DENND4C: variants seen among roughly 807,000 people sequenced by gnomAD.
DENND4C encodes the protein DENN domain-containing protein 4C.
A neutral mutation model predicts 203.0 loss-of-function variants in DENND4C; 108 were observed. The ratio of observed to expected loss-of-function variants is 0.53; its 90% CI spans 0.46 to 0.62. The LOEUF (loss-of-function observed/expected upper bound fraction) is 0.62. Among genes scored for constraint, DENND4C ranks in the 20% least tolerant of loss-of-function variants. The pLI is 0.00. For synonymous variants in DENND4C, 871 were observed against 792.4 expected (o/e 1.10, Z -1.67); for missense variants, 2,481 against 2,301.2 (o/e 1.08, Z -1.60).
intron 1 of DENND4C, among the ~76,000 whole-genome samples, chr9:19,257,586 AAAGC>A (rs1828305817): frequency 6.6e-6 from 1 of 152,128 alleles, no homozygotes; most frequent in African/African-American, 2.4e-5. Flanking sequence ...ATGAAACAGA[AAAGC>A]AAGAGAAAAA....
intron 9 of DENND4C, among the ~76,000 whole-genome samples, chr9:19,304,329 C>G (rs938916969): frequency 6.7e-6 from 1 of 149,562 alleles, no homozygotes; most frequent in Non-Finnish European, 1.5e-5. Context: ...GGATTACAGA[C>G]ATGTGCCACC....
intron 1 of DENND4C, among the ~76,000 whole-genome samples, chr9:19,251,767 G>A (rs551866455): frequency 1.3e-5 from 2 of 152,210 alleles, no homozygotes; most frequent in South Asian, 4.2e-4. Context: ...TTGCTAAAAC[G>A]TAACAAGAGT....
rs1188218805 is a variant in DENND4C at position 19,330,331 on chromosome 9, TG to T, written c.2254-1645del. 2.4e-4 allele frequency among the ~76,000 whole-genome samples: 31 copies of T among 128,194 alleles called. No homozygotes were observed. In the South Asian group the frequency reaches 3.7e-3, roughly 15 times the overall value. The allele number at this position is 128,194 out of a possible 152,430, so 84.1% of individuals were successfully genotyped here. A position where few individuals can be genotyped will look rare whatever the true frequency, so the allele number is the denominator to read the frequency against. On this transcript the variant is annotated intron_variant, in intron 16 of 32. Transcript: ENST00000434457. The stretch of plus-strand genomic sequence containing the variant: ...CAAAAGTAAAATTAATATACCAAGT[TG>T]GTTTTTTTTTTTTTTTTTTTTTTTT...
chr9:19,231,116 A>T (rs1191060759), intron 1 of DENND4C, among the ~76,000 whole-genome samples: 1 of 152,172 alleles, frequency 6.6e-6, no homozygotes, highest in African/African-American at 2.4e-5. Flanking sequence ...CGCCGGGCCC[A>T]TGAGAATCGT....
At chr9:19,317,042 C>T (rs1841974303) in intron 12 of DENND4C, among the ~76,000 whole-genome samples, 2 of 151,978 alleles carry the variant, frequency 1.3e-5, no homozygotes, top group African/African-American at 2.4e-5. Context: ...AAATCTGAAA[C>T]TAGAGATATT....
intron 20 of DENND4C, among the ~76,000 whole-genome samples, chr9:19,340,001 T>C (rs944741564): frequency 1.3e-5 from 2 of 152,182 alleles, no homozygotes; most frequent in Non-Finnish European, 2.9e-5. Context: ...TTATGTCCTT[T>C]AGATATTCTC....
At chr9:19,244,819 C>G (rs1824740697) in intron 1 of DENND4C, among the ~76,000 whole-genome samples, 1 of 151,730 alleles carries the variant, frequency 6.6e-6, no homozygotes. Flanking sequence ...ACTCTTAATT[C>G]AGTACAGTTT....
At chr9:19,286,119 A>G (rs1025288777) in intron 2 of DENND4C, among the ~76,000 whole-genome samples, 7 of 152,172 alleles carry the variant, frequency 4.6e-5, no homozygotes, top group Admixed American at 2.6e-4. Flanking sequence ...TGGAATTTAG[A>G]TAGGAATTGC....
chr9:19,289,909 G>C (rs540781591), intron 4 of DENND4C, among the ~76,000 whole-genome samples: 1 of 149,560 alleles, frequency 6.7e-6, no homozygotes, highest in Non-Finnish European at 1.5e-5. Context: ...TGTTGTTGTT[G>C]TTGTTTTTGG....
intron 1 of DENND4C, among the ~76,000 whole-genome samples, chr9:19,263,115 A>G (rs1829760238): frequency 1.3e-5 from 2 of 152,200 alleles, no homozygotes. Context: ...TGTTCCTTCT[A>G]TAACCAATTT....
chr9:19,316,703 G>A lies in DENND4C; in HGVS notation c.1671G>A (p.Gln557=). 1 of 1,614,062 alleles carries A rather than the reference G, an allele frequency of 6.2e-7. No individual in the cohort carries two copies. Among genetic ancestry groups the A allele is most frequent in the Admixed American group, 1.7e-5 (1 of 60,004 alleles). Residue 557 remains glutamine (Q), a synonymous_variant, in exon 12 of 33, where the codon CAG becomes CAA. Transcript: ENST00000434457. ...ADFSWQKKMT[Q]LEMEIQEAFL... ...TCTCCTGGCAAAAGAAGATGACACA[G>A]CTTGAGATGGAAATTCAAGAGGCAT...
chr9:19,277,804 C>G (rs1833186485), intron 2 of DENND4C, among the ~76,000 whole-genome samples: 1 of 152,072 alleles, frequency 6.6e-6, no homozygotes, highest in African/African-American at 2.4e-5. Flanking sequence ...TCCTTAAATA[C>G]CATTTATCAT....
At chr9:19,338,697 C>T (rs2772404) in intron 20 of DENND4C, among the ~76,000 whole-genome samples, 34,858 of 152,050 alleles carry the variant, frequency 0.23, 5,934 homozygotes, top group African/African-American at 0.47. Context: ...GGTTTTAATT[C>T]ACCCAGGTCC....
intron 2 of DENND4C, among the ~76,000 whole-genome samples, chr9:19,279,457 T>C (rs1358728584): frequency 6.6e-6 from 1 of 152,014 alleles, no homozygotes; most frequent in Non-Finnish European, 1.5e-5. Context: ...AGCCGATCAC[T>C]TGTGGTCAGG....
intron 10 of DENND4C, among the ~76,000 whole-genome samples, chr9:19,305,771 T>G (rs1196268100): frequency 6.6e-6 from 1 of 152,170 alleles, no homozygotes; most frequent in Non-Finnish European, 1.5e-5. Context: ...CAGGAGATAT[T>G]TATGTTTATC....
intron 15 of DENND4C, among the ~76,000 whole-genome samples, chr9:19,326,409 T>C (rs539103848): frequency 6.5e-4 from 99 of 152,160 alleles, no homozygotes; most frequent in Non-Finnish European, 1.0e-3. Context: ...CCTTAGTGTT[T>C]GTATTTTAAT....
intron 1 of DENND4C, among the ~76,000 whole-genome samples, chr9:19,257,640 C>T (rs1828314445): frequency 6.6e-6 from 1 of 152,102 alleles, no homozygotes; most frequent in Admixed American, 6.6e-5. Flanking sequence ...GGTTAAACTT[C>T]TAACCAGGCT....
intron 1 of DENND4C, among the ~76,000 whole-genome samples, chr9:19,255,333 A>T (rs1827675979): frequency 6.6e-6 from 1 of 151,984 alleles, no homozygotes; most frequent in Non-Finnish European, 1.5e-5. Flanking sequence ...TGAGCCTGGG[A>T]GTTTGAGGCT....
At chr9:19,273,242 C>T (rs1319964435) in intron 1 of DENND4C, among the ~76,000 whole-genome samples, 3 of 151,810 alleles carry the variant, frequency 2.0e-5, no homozygotes, top group African/African-American at 4.9e-5. Flanking sequence ...TGAGCCACTG[C>T]GCCTGGCAAT....
Sources: gnomAD v4.1 joint callset for allele counts (sites outside exome capture counted in the v4.1 genomes callset) on GRCh38, gnomAD v4.1.1 for gene constraint, MANE v1.5 for transcripts, NCBI Gene and HGNC (gene_info 2026-07-23, HGNC 2026-07-21) for gene names.